CAMK1D: variants seen among roughly 807,000 people sequenced by gnomAD.
The protein encoded by CAMK1D is calcium/calmodulin-dependent protein kinase type 1D.
CAMK1D carries 9 observed loss-of-function variants against 47.7 expected under a neutral mutation model. The ratio of observed to expected loss-of-function variants is 0.19; its 90% confidence interval spans 0.11 to 0.33. CAMK1D has a LOEUF of 0.33. CAMK1D is among the 10% of genes least tolerant of loss of function. CAMK1D has a pLI of 1.00. For missense variants in CAMK1D, 291 were observed against 488.7 expected, an observed-to-expected ratio of 0.60 and a Z score of 3.81; for synonymous variants, 184 against 184.9, an observed-to-expected ratio of 0.99 and a Z score of 0.04.
At chr10:12,602,491 A>G (rs1178166814) in intron 2 of CAMK1D, among the ~76,000 whole-genome samples, 7 of 152,216 alleles carry the variant, frequency 4.6e-5, no homozygotes, top group Non-Finnish European at 7.3e-5. Context: ...CCTGGGTGAC[A>G]GGAGCTATAT....
At chr10:12,523,281 G>C (rs1046585575) in intron 1 of CAMK1D, among the ~76,000 whole-genome samples, 20 of 151,068 alleles carry the variant, frequency 1.3e-4, no homozygotes, top group Non-Finnish European at 2.8e-4. Context: ...GGGCAGAGGG[G>C]CTCCTCACTT....
chr10:12,622,554 C>G (rs1431425554), intron 2 of CAMK1D, among the ~76,000 whole-genome samples: 1 of 151,864 alleles, frequency 6.6e-6, no homozygotes, highest in African/African-American at 2.4e-5. Context: ...GTGTAATGTC[C>G]AGAGTTTTCA....
chr10:12,700,018 A>C (rs1469629651), intron 3 of CAMK1D, among the ~76,000 whole-genome samples: 5 of 152,076 alleles, frequency 3.3e-5, no homozygotes, highest in African/African-American at 4.8e-5. Context: ...ATGGAAATTC[A>C]TGCATAGTTT....
At chr10:12,466,180 G>C (rs2132064698) in intron 1 of CAMK1D, among the ~76,000 whole-genome samples, 1 of 152,132 alleles carries the variant, frequency 6.6e-6, no homozygotes, top group African/African-American at 2.4e-5. Context: ...GACCAAGGCG[G>C]GCAGATCACG....
chr10:12,802,186 A>G (rs1375817885), intron 6 of CAMK1D, among the ~76,000 whole-genome samples: 1 of 152,206 alleles, frequency 6.6e-6, no homozygotes, highest in Non-Finnish European at 1.5e-5. Flanking sequence ...AAATTCACTT[A>G]TATCTATTAA....
At chr10:12,532,810 GATC>G (rs1835851529) in intron 1 of CAMK1D, among the ~76,000 whole-genome samples, 1 of 152,126 alleles carries the variant, frequency 6.6e-6, no homozygotes, top group Admixed American at 6.5e-5. Context: ...TGGAACTGGA[GATC>G]ATCGTGTTAA....
At position 12,637,240 on chromosome 10, in the gene CAMK1D, G is replaced by A. The variant is rs191589078; in HGVS notation, c.225-29496G>A. On this transcript the variant is annotated intron_variant, in intron 2 of 10. Coordinates refer to ENST00000619168, the MANE Select transcript of CAMK1D (RefSeq NM_153498.4). The stretch of plus-strand genomic sequence containing the variant: ...ACCCGCCTCAGCCTCCCAAAGTGCC[G>A]GGATTACAGGTGTGAGCCACTGCGC... Among the ~76,000 whole-genome samples, 427 of 152,262 alleles carry A rather than the reference G, an allele frequency of 2.8e-3. 1 individual carries two copies. Among genetic ancestry groups the A allele is most frequent in the African/African-American group, 9.6e-3 (398 of 41,530 alleles).
chr10:12,750,637 C>T (rs113578156), intron 3 of CAMK1D, among the ~76,000 whole-genome samples: 5 of 151,708 alleles, frequency 3.3e-5, no homozygotes, highest in African/African-American at 7.3e-5. Context: ...ACATGCAAAC[C>T]GCTATCAAGG....
chr10:12,819,277 A>G (rs1423980695), intron 8 of CAMK1D, among the ~76,000 whole-genome samples: 1 of 152,222 alleles, frequency 6.6e-6, no homozygotes, highest in Non-Finnish European at 1.5e-5. Flanking sequence ...AGGGAATTCC[A>G]GGCAGATGAG....
At chr10:12,780,943 T>C (rs1293066198) in intron 5 of CAMK1D, among the ~76,000 whole-genome samples, 4 of 152,082 alleles carry the variant, frequency 2.6e-5, no homozygotes, top group African/African-American at 7.2e-5. Flanking sequence ...GCCCCCTAAG[T>C]GGGGAGACTT....
At chr10:12,730,463 C>T (rs1222207464) in intron 3 of CAMK1D, among the ~76,000 whole-genome samples, 3 of 151,984 alleles carry the variant, frequency 2.0e-5, no homozygotes, top group Non-Finnish European at 4.4e-5. Flanking sequence ...TTGAATAGGC[C>T]GTTGGATATA....
chr10:12,484,720 G>A (rs1428477976), intron 1 of CAMK1D, among the ~76,000 whole-genome samples: 2 of 151,938 alleles, frequency 1.3e-5, no homozygotes, highest in Non-Finnish European at 2.9e-5. Context: ...GTGGAGGAGA[G>A]CCTAGCTTGT....
intron 5 of CAMK1D, among the ~76,000 whole-genome samples, chr10:12,788,103 A>C (rs1837814341): frequency 6.6e-6 from 1 of 152,192 alleles, no homozygotes; most frequent in South Asian, 2.1e-4. Context: ...CAATATTGTC[A>C]TCCTGATATT....
chr10:12,392,627 G>T (rs904755265), intron 1 of CAMK1D, among the ~76,000 whole-genome samples: 2 of 152,064 alleles, frequency 1.3e-5, no homozygotes, highest in Non-Finnish European at 2.9e-5. Flanking sequence ...GTTAATATAT[G>T]TATTACTTAA....
intron 1 of CAMK1D, among the ~76,000 whole-genome samples, chr10:12,422,875 G>A (rs1840105157): frequency 6.6e-6 from 1 of 152,038 alleles, no homozygotes; most frequent in Non-Finnish European, 1.5e-5. Context: ...GTTCCTCCAT[G>A]TTGATCAGGC....
intron 3 of CAMK1D, among the ~76,000 whole-genome samples, chr10:12,688,276 G>A (rs1195534243): frequency 1.3e-5 from 2 of 152,190 alleles, no homozygotes; most frequent in African/African-American, 2.4e-5. Context: ...CTGTGGGGCT[G>A]GGTTGGCAAA....
At chr10:12,418,906 G>A (rs114555212) in intron 1 of CAMK1D, among the ~76,000 whole-genome samples, 1,577 of 152,286 alleles carry the variant, frequency 0.01, 15 homozygotes, top group African/African-American at 0.03. Flanking sequence ...TAGATGGAAG[G>A]CCTCAGCCGA....
chr10:12,616,554 G>A (rs1466050940), intron 2 of CAMK1D, among the ~76,000 whole-genome samples: 2 of 152,024 alleles, frequency 1.3e-5, no homozygotes, highest in Non-Finnish European at 2.9e-5. Flanking sequence ...GTCTCGCTCT[G>A]TCTCCCAGGC....
At chr10:12,740,027 C>A (rs1835361350) in intron 3 of CAMK1D, among the ~76,000 whole-genome samples, 2 of 152,190 alleles carry the variant, frequency 1.3e-5, no homozygotes, top group South Asian at 4.1e-4. Flanking sequence ...AAAATAGTAT[C>A]TGAGGTAGGA....
Sources: gnomAD v4.1 joint callset for allele counts (sites outside exome capture counted in the v4.1 genomes callset) on GRCh38, gnomAD v4.1.1 for gene constraint, MANE v1.5 for transcripts, NCBI Gene and HGNC (gene_info 2026-07-23, HGNC 2026-07-21) for gene names.